The following KAZN variants were observed in gnomAD, a reference collection of about 807,000 sequenced individuals.
KAZN encodes the protein kazrin, periplakin interacting protein.
KAZN carries 40 observed loss-of-function variants against 87.4 expected under a neutral mutation model. The observed-to-expected ratio is 0.46, with a 90% CI of 0.36 to 0.60. The LOEUF is 0.60. KAZN is among the 20% of genes least tolerant of loss of function. The pLI is 0.00. For missense variants in KAZN, 898 were observed against 1,073.9 expected (o/e 0.84, Z 2.29); for synonymous variants, 466 against 458.3 (o/e 1.02, Z -0.22).
At chr1:14,623,099 C>T (rs1238514256) in intron 1 of KAZN, among the ~76,000 whole-genome samples, 2 of 152,106 alleles carry the variant, frequency 1.3e-5, no homozygotes, top group African/African-American at 4.8e-5. Flanking sequence ...ACCCAGCAAT[C>T]CCATTATTAT....
intron 2 of KAZN, among the ~76,000 whole-genome samples, chr1:14,393,999 A>AAAGGC (rs1662677872): frequency 1.3e-5 from 2 of 152,230 alleles, no homozygotes; most frequent in African/African-American, 4.8e-5. Context: ...TTTGATGATC[A>AAAGGC]AAGGCAGGCA....
intron 1 of KAZN, among the ~76,000 whole-genome samples, chr1:14,116,242 C>A (rs562522132): frequency 1.3e-5 from 2 of 152,298 alleles, no homozygotes; most frequent in East Asian, 3.9e-4. Flanking sequence ...TGTCAGAGGT[C>A]TTCAAGGCAG....
Position 14,528,062 on chromosome 1 carries a change from CCTAT to C in KAZN, c.250-70914_250-70911del, listed in dbSNP as rs552903136. Among the ~76,000 whole-genome samples the C allele has an allele frequency of 9.0e-4, 136 of 151,616 alleles. 3 individuals are homozygous for C. The South Asian group carries it at 0.027, about 30-fold the overall frequency. ...ATCTATCTATCTATGTACCTACCTACCTATCTATCTTCCTCTCCACTCTATGCAG... is the reference window on the plus strand; with the variant it reads ...ATCTATCTATCTATGTACCTACCTACCTATCTTCCTCTCCACTCTATGCAG... On this transcript the variant is annotated intron_variant, in intron 2 of 16. Coordinates refer to the KAZN transcript ENST00000636203.
chr1:14,730,281 A>G (rs1643618896), intron 1 of KAZN, among the ~76,000 whole-genome samples: 1 of 152,102 alleles, frequency 6.6e-6, no homozygotes, highest in African/African-American at 2.4e-5. Context: ...ACAGGGTTTC[A>G]CCATGTTGGT....
At chr1:14,717,454 C>T (rs940577383) in intron 1 of KAZN, among the ~76,000 whole-genome samples, 3 of 152,048 alleles carry the variant, frequency 2.0e-5, no homozygotes, top group African/African-American at 4.8e-5. Flanking sequence ...TCCCAGCTTG[C>T]GGTGGCCCCG....
intron 1 of KAZN, among the ~76,000 whole-genome samples, chr1:14,068,407 G>GTCTC (rs1408534469): frequency 6.6e-6 from 1 of 152,162 alleles, no homozygotes; most frequent in African/African-American, 2.4e-5. Context: ...CTGGTAAGCT[G>GTCTC]TCTCTGAATC....
chr1:14,425,865 C>T (rs1226372207), intron 2 of KAZN, among the ~76,000 whole-genome samples: 2 of 152,184 alleles, frequency 1.3e-5, no homozygotes, highest in African/African-American at 4.8e-5. Flanking sequence ...AGATTTGAGT[C>T]CAAGTTTGTC....
At chr1:14,733,266 A>G (rs987546080) in intron 1 of KAZN, among the ~76,000 whole-genome samples, 7 of 152,172 alleles carry the variant, frequency 4.6e-5, no homozygotes, top group African/African-American at 1.7e-4. Flanking sequence ...TGGAGTTACC[A>G]TGAAAGCAAG....
intron 2 of KAZN, among the ~76,000 whole-genome samples, chr1:14,282,950 C>T (rs368937549): frequency 2.0e-5 from 3 of 152,132 alleles, no homozygotes; most frequent in South Asian, 2.1e-4. Flanking sequence ...GTAATTTCCC[C>T]GTGGAATTTC....
chr1:14,381,157 A>G (rs1212028294), intron 2 of KAZN, among the ~76,000 whole-genome samples: 2 of 152,188 alleles, frequency 1.3e-5, no homozygotes, highest in Non-Finnish European at 2.9e-5. Flanking sequence ...TGTAAGAGTC[A>G]AAGAAGCTGA....
chr1:14,717,132 G>A (rs1057435176), intron 1 of KAZN, among the ~76,000 whole-genome samples: 4 of 150,716 alleles, frequency 2.7e-5, no homozygotes, highest in African/African-American at 7.3e-5. Context: ...GTCCTTGGAT[G>A]TGCATGCTTG....
intron 2 of KAZN, among the ~76,000 whole-genome samples, chr1:14,445,769 G>A (rs555762295): frequency 3.9e-4 from 60 of 152,142 alleles, no homozygotes; most frequent in Non-Finnish European, 6.6e-4. Flanking sequence ...ACACATATTG[G>A]AGTGATCCCA....
rs113074724 is a variant in KAZN, at chr1:14,684,902, A to G, written c.226+85679A>G. On this transcript the variant is annotated intron_variant, in intron 1 of 14. Coordinates refer to ENST00000376030, the MANE Select transcript of KAZN (RefSeq NM_201628.3). ...ATACTATGCAAGGTAACATATTTGT[A>G]ATTTCTGGGGATTTAGGATGGGGAC... Among the ~76,000 whole-genome samples the G allele has an allele frequency of 7.2e-3, 1,091 of 152,248 alleles. 11 individuals carry two copies. Among genetic ancestry groups the G allele is most frequent in the African/African-American group, 0.024 (1,017 of 41,516 alleles).
At chr1:14,436,544 C>A (rs1256963593) in intron 2 of KAZN, among the ~76,000 whole-genome samples, 6 of 151,648 alleles carry the variant, frequency 4.0e-5, no homozygotes, top group Non-Finnish European at 8.8e-5. Context: ...ATGGTGAAAC[C>A]CCGTCTCTAC....
intron 2 of KAZN, among the ~76,000 whole-genome samples, chr1:14,300,768 C>T (rs530283573): frequency 1.1e-3 from 161 of 152,244 alleles, no homozygotes; most frequent in African/African-American, 3.6e-3. Context: ...AACACTTTTT[C>T]CGAGGAACCA....
chr1:14,385,563 A>T (rs148147271), intron 2 of KAZN, among the ~76,000 whole-genome samples: 2 of 151,852 alleles, frequency 1.3e-5, no homozygotes, highest in African/African-American at 4.8e-5. Flanking sequence ...CCTTCATTTC[A>T]TTATGTACTC....
At chr1:14,956,118 G>T (rs866022618) in intron 1 of KAZN, among the ~76,000 whole-genome samples, 1 of 152,138 alleles carries the variant, frequency 6.6e-6, no homozygotes, top group Non-Finnish European at 1.5e-5. Context: ...TGGCATCTGT[G>T]CAGCATACAT....
intron 2 of KAZN, among the ~76,000 whole-genome samples, chr1:14,262,663 A>G (rs1651167299): frequency 6.6e-6 from 1 of 152,192 alleles, no homozygotes; most frequent in African/African-American, 2.4e-5. Flanking sequence ...TCTGTTCAAA[A>G]ACCTTGTTAA....
chr1:14,317,684 C>T (rs915314785), intron 2 of KAZN, among the ~76,000 whole-genome samples: 9 of 151,580 alleles, frequency 5.9e-5, no homozygotes, highest in Non-Finnish European at 1.3e-4. Flanking sequence ...GACCTATTAG[C>T]TATACAGTGA....
Sources: gnomAD v4.1 joint callset for allele counts (sites outside exome capture counted in the v4.1 genomes callset) on GRCh38, gnomAD v4.1.1 for gene constraint, MANE v1.5 for transcripts, NCBI Gene and HGNC (gene_info 2026-07-23, HGNC 2026-07-21) for gene names.